HDGFL3: variants seen among roughly 807,000 people sequenced by gnomAD.
HDGFL3 encodes hepatoma-derived growth factor-related protein 3.
In HDGFL3, 6 loss-of-function variants were observed where a neutral mutation model predicts 27.6. The observed-to-expected ratio is 0.22, with a 90% CI of 0.12 to 0.43. The LOEUF (loss-of-function observed/expected upper bound fraction) is 0.43. Ranked by LOEUF, HDGFL3 falls within the 20% of genes least tolerant of loss-of-function variation. HDGFL3 has a pLI of 1.00. For missense variants in HDGFL3, 207 were observed against 250.1 expected (o/e 0.83, Z 1.16); for synonymous variants, 88 against 88.9 (o/e 0.99, Z 0.05).
At chr15:83,151,744 C>G (rs971087293) in intron 4 of HDGFL3, among the ~76,000 whole-genome samples, 2 of 152,112 alleles carry the variant, frequency 1.3e-5, no homozygotes, top group Non-Finnish European at 2.9e-5. Context: ...CTTGTCCTCC[C>G]CATCATTTTA....
At chr15:83,198,077 A>C (rs1382509276) in intron 1 of HDGFL3, among the ~76,000 whole-genome samples, 1 of 149,348 alleles carries the variant, frequency 6.7e-6, no homozygotes, top group Non-Finnish European at 1.5e-5. Context: ...AAAAAAAAGA[A>C]GCCAATTAAT....
At chr15:83,167,322 G>A (rs1004857178) in intron 1 of HDGFL3, among the ~76,000 whole-genome samples, 5 of 152,206 alleles carry the variant, frequency 3.3e-5, no homozygotes, top group African/African-American at 1.2e-4. Context: ...TTGGGAAGCC[G>A]AGGCAGGGGG....
rs2036708199 is a variant in HDGFL3, at chr15:83,138,792, C to T, written c.*478G>A. On this transcript the variant is annotated 3_prime_UTR_variant, in exon 6 of 6. Transcript: ENST00000299633. ...CAAAACTGAAGGACAATTTTAATTT[C>T]GTCTTCAATATACCAACGTTATGTA... 1 of 152,218 alleles carries T rather than the reference C, an allele frequency of 6.6e-6. No individual in the cohort carries two copies. Among genetic ancestry groups the T allele is most frequent in the South Asian group, 2.1e-4 (1 of 4,830 alleles). 9.4% of individuals were successfully genotyped at this position (152,218 alleles called of 1,614,324 possible). A position where few individuals can be genotyped will look rare whatever the true frequency, so the allele number is the denominator to read the frequency against.
intron 3 of HDGFL3, chr15:83,121,979 G>A: frequency 6.2e-7 from 1 of 1,611,240 alleles, no homozygotes; most frequent in Non-Finnish European, 8.5e-7. Flanking sequence ...GAGTGTTGTT[G>A]TTTTTGTGCC....
chr15:83,183,240 C>T (rs1180306702), intron 1 of HDGFL3, among the ~76,000 whole-genome samples: 1 of 152,064 alleles, frequency 6.6e-6, no homozygotes, highest in Non-Finnish European at 1.5e-5. Context: ...ACAAAACAAT[C>T]TGTACACCAA....
At chr15:83,153,239 C>T (rs1020775955) in intron 4 of HDGFL3, among the ~76,000 whole-genome samples, 1 of 151,934 alleles carries the variant, frequency 6.6e-6, no homozygotes, top group Admixed American at 6.6e-5. Context: ...AGGATGGTCT[C>T]GATCTCCTGA....
At chr15:83,181,410 T>C (rs750529989) in intron 1 of HDGFL3, among the ~76,000 whole-genome samples, 1 of 152,242 alleles carries the variant, frequency 6.6e-6, no homozygotes, top group Non-Finnish European at 1.5e-5. Context: ...GCTCGAATAG[T>C]TAAAAGTGAG....
chr15:83,197,579 C>T (rs1274810543), intron 1 of HDGFL3, among the ~76,000 whole-genome samples: 1 of 152,144 alleles, frequency 6.6e-6, no homozygotes, highest in Non-Finnish European at 1.5e-5. Context: ...GTACCACAAA[C>T]CTGCCCTATC....
intron 2 of HDGFL3, among the ~76,000 whole-genome samples, chr15:83,159,892 A>G (rs2037076731): frequency 6.6e-6 from 1 of 152,208 alleles, no homozygotes; most frequent in Admixed American, 6.5e-5. Context: ...AAAGGCTTTG[A>G]GTGAGATGGG....
At chr15:83,146,980 C>A (rs2036903875) in intron 5 of HDGFL3, among the ~76,000 whole-genome samples, 1 of 152,162 alleles carries the variant, frequency 6.6e-6, no homozygotes, top group African/African-American at 2.4e-5. Context: ...TTACCTGTAT[C>A]CGTGCCCAAA....
At chr15:83,141,840 G>A (rs1328467007) in intron 5 of HDGFL3, among the ~76,000 whole-genome samples, 1 of 152,226 alleles carries the variant, frequency 6.6e-6, no homozygotes, top group Non-Finnish European at 1.5e-5. Context: ...ATATTTGGAA[G>A]ACCCAAGTAA....
chr15:83,164,103 T>G, intron 1 of HDGFL3, 28 bp from the exon 2 acceptor site: 1 of 1,380,518 alleles, frequency 7.2e-7, no homozygotes, highest in Non-Finnish European at 1.0e-6. Context: ...AGTTACTGAG[T>G]GAGTGGTTAT....
At position 83,129,710 on chromosome 15, in the gene HDGFL3, T is replaced by C. The variant is rs1217121515; in HGVS notation, c.*9560A>G. ...AAAGACTGTATGTAGTACGAGGTGC[T>C]GGAGAACCTTGTGGGTGGAAGGCAG... is the stretch of plus-strand genomic sequence containing the variant. On this transcript the variant is annotated 3_prime_UTR_variant, in exon 6 of 6. Transcript: ENST00000299633. 1.3e-5 allele frequency: 2 copies of C among 152,252 alleles called. No homozygotes were observed. The highest frequency in any genetic ancestry group is 2.9e-5 in the Non-Finnish European group (2 of 68,094). 9.4% of individuals were successfully genotyped at this position (152,252 alleles called of 1,614,324 possible).
In HDGFL3 at chr15:83,197,991, T is replaced by C. The variant is rs2037592497; in HGVS notation, c.84+9340A>G. Among the ~76,000 whole-genome samples, 4 of 127,994 alleles carry C rather than the reference T, an allele frequency of 3.1e-5. No homozygotes were observed. In the Admixed American group the frequency reaches 4.0e-4, roughly 13 times the overall value. 84.0% of individuals were successfully genotyped at this position (127,994 alleles called of 152,430 possible). ...GGGGTGATGAGGAGGGTGGTAGAGC[T>C]TGCAGTGAGCCAAGAACACACTACT... is the stretch of plus-strand genomic sequence containing the variant. On this transcript the variant is annotated intron_variant, in intron 1 of 5. Transcript: ENST00000299633.
At chr15:83,199,834 A>AG (rs1324354392) in intron 1 of HDGFL3, among the ~76,000 whole-genome samples, 1 of 151,486 alleles carries the variant, frequency 6.6e-6, no homozygotes. Flanking sequence ...CGAGGTCAGG[A>AG]GTTCAAGATC....
chr15:83,206,761 T>C (rs575917158), intron 1 of HDGFL3, among the ~76,000 whole-genome samples: 15 of 152,274 alleles, frequency 9.9e-5, no homozygotes, highest in Non-Finnish European at 1.5e-4. Flanking sequence ...AGGACAATGA[T>C]AGGGCAGGCG....
rs930707541 is a variant in HDGFL3 at position 83,134,827 on chromosome 15, C to G, written c.*4443G>C. The G allele has an allele frequency of 6.6e-6, 1 of 152,218 alleles. No individual in the cohort carries two copies. The highest frequency in any genetic ancestry group is 1.5e-5 in the Non-Finnish European group (1 of 68,046). The allele number at this position is 152,218 out of a possible 1,614,324, so 9.4% of individuals were successfully genotyped here. A position where few individuals can be genotyped will look rare whatever the true frequency, so the allele number is the denominator to read the frequency against. Reference sequence around the variant, plus strand: ...GCTTGGTTATATATTCAGAAAAACACTATTATTCAAAACAGGCCCTAAGGA... The same window carrying G: ...GCTTGGTTATATATTCAGAAAAACAGTATTATTCAAAACAGGCCCTAAGGA... On this transcript the variant is annotated 3_prime_UTR_variant, in exon 6 of 6. Transcript: ENST00000299633.
At chr15:83,151,384 T>C (rs1393521437) in intron 4 of HDGFL3, 23 bp from the exon 5 acceptor site, 2 of 1,582,112 alleles carry the variant, frequency 1.3e-6, no homozygotes, top group Non-Finnish European at 1.7e-6. Context: ...ACAAGTTAAA[T>C]ATTATAGTCA....
Position 83,139,166 on chromosome 15 carries a change from C to A in HDGFL3, c.*104G>T. 1.5e-6 allele frequency: 1 copy of A among 675,032 alleles called. No homozygotes were observed. The allele number at this position is 675,032 out of a possible 1,614,324, so 41.8% of individuals were successfully genotyped here. On this transcript the variant is annotated 3_prime_UTR_variant, in exon 6 of 6. Transcript: ENST00000299633. ...ATACAAACTGGGGTTCTGTCAATGA[C>A]AACAAGGACTATGTGTTGGTTCATA...
Sources: allele counts gnomAD v4.1 joint callset (sites outside exome capture counted in the v4.1 genomes callset), GRCh38; gene constraint gnomAD v4.1.1; transcripts MANE v1.5; gene names NCBI Gene and HGNC (gene_info 2026-07-23, HGNC 2026-07-21).